The following LIFR variants were observed in gnomAD, a reference collection of about 807,000 sequenced individuals.
The protein encoded by LIFR is LIF receptor subunit alpha, also known as leukemia inhibitory factor receptor.
Under a neutral mutation model 122.2 loss-of-function variants are expected in LIFR, and 84 were observed. The ratio of observed to expected loss-of-function variants is 0.69; its 90% CI spans 0.58 to 0.82. The LOEUF (loss-of-function observed/expected upper bound fraction) is 0.82, where lower values mean the gene tolerates loss of function less well. LIFR is among the 40% of genes least tolerant of loss of function. The pLI, the probability that LIFR is intolerant of heterozygous loss-of-function variation, is 0.00. For missense variants in LIFR, 1,294 were observed against 1,311.6 expected, an observed-to-expected ratio of 0.99 and a Z score of 0.21; for synonymous variants, 422 against 434.7, an observed-to-expected ratio of 0.97 and a Z score of 0.36.
chr5:38,506,449 A>G, intron 8 of LIFR, 54 bp downstream of exon 8: 1 of 1,598,148 alleles, frequency 6.3e-7, no homozygotes, highest in Non-Finnish European at 8.6e-7. Context: ...GTCATTTAAC[A>G]TGCACTTCCA....
At chr5:38,586,961 T>C (rs1159073653) in intron 1 of LIFR, among the ~76,000 whole-genome samples, 3 of 152,206 alleles carry the variant, frequency 2.0e-5, no homozygotes, top group Non-Finnish European at 4.4e-5. Flanking sequence ...TTTGTGTTAT[T>C]AATAATAGCC....
intron 4 of LIFR, among the ~76,000 whole-genome samples, chr5:38,524,026 T>C (rs1205789089): frequency 6.6e-6 from 1 of 152,194 alleles, no homozygotes; most frequent in African/African-American, 2.4e-5. Context: ...CTAGTGTCAT[T>C]TAGTCAGGAA....
At position 38,480,123 on chromosome 5, in the gene LIFR, A is replaced by C. The variant is rs1257861258; in HGVS notation, c.*1472T>G. 2.6e-5 allele frequency: 6 copies of C among 228,666 alleles called. No individual in the cohort carries two copies. The highest frequency in any genetic ancestry group is 1.9e-4 in the East Asian group (3 of 15,756). The allele number at this position is 228,666 out of a possible 1,614,324, so 14.2% of individuals were successfully genotyped here. A position where few individuals can be genotyped will look rare whatever the true frequency, so the allele number is the denominator to read the frequency against. On this transcript the variant is annotated 3_prime_UTR_variant, in exon 20 of 20. Transcript: ENST00000453190. ...GAATCTCAGATGATAAAAAACAAACAAACAACCAAAAAAAACAAACAAAAA... is the reference window on the plus strand; with the variant it reads ...GAATCTCAGATGATAAAAAACAAACCAACAACCAAAAAAAACAAACAAAAA...
intron 1 of LIFR, among the ~76,000 whole-genome samples, chr5:38,534,977 A>G (rs1747217109): frequency 6.6e-6 from 1 of 152,252 alleles, no homozygotes; most frequent in African/African-American, 2.4e-5. Context: ...TGTTGAGTGG[A>G]TAACATATAT....
chr5:38,533,780 C>T (rs761743972), intron 1 of LIFR, among the ~76,000 whole-genome samples: 28 of 152,138 alleles, frequency 1.8e-4, no homozygotes, highest in Non-Finnish European at 4.0e-4. Flanking sequence ...CCTGCTGGCA[C>T]GAACCTAGCC....
intron 6 of LIFR, 51 bp downstream of exon 6, chr5:38,511,739 T>TGA (rs1561161357): frequency 6.5e-7 from 1 of 1,549,172 alleles, no homozygotes. Flanking sequence ...TACTCTTAAG[T>TGA]GAGACTAATT....
rs1373344377 is a variant in LIFR at position 38,502,653 on chromosome 5, ATGT to A, written c.1581_1583del (p.Gln527del). The A allele has an allele frequency of 1.2e-6, 2 of 1,613,092 alleles. No homozygotes were observed. Among genetic ancestry groups the A allele is most frequent in the African/African-American group, 1.3e-5 (1 of 75,004 alleles). On this transcript the variant is annotated inframe_deletion, in exon 11 of 20. Transcript: ENST00000453190. ...TTAACTTACTGGCTTCTGTTGTTAA[ATGT>A]TGTTTTTTATTGCTCCATTTGCTCC...
intron 4 of LIFR, among the ~76,000 whole-genome samples, 183 bp from the exon 5 acceptor site, chr5:38,523,765 A>C (rs1746530713): frequency 6.6e-6 from 1 of 152,198 alleles, no homozygotes; most frequent in South Asian, 2.1e-4. Flanking sequence ...CCATATATGG[A>C]AAAGATAAAA....
intron 1 of LIFR, among the ~76,000 whole-genome samples, chr5:38,544,077 T>C (rs934011934): frequency 1.3e-5 from 2 of 152,104 alleles, no homozygotes; most frequent in Non-Finnish European, 2.9e-5. Context: ...TACCAGCTGC[T>C]ACACCTTCAA....
intron 2 of LIFR, among the ~76,000 whole-genome samples, chr5:38,529,217 G>A (rs1746868920): frequency 6.6e-6 from 1 of 151,864 alleles, no homozygotes; most frequent in South Asian, 2.1e-4. Context: ...CCAAGAGAGG[G>A]CTTGAGGGGA....
intron 4 of LIFR, among the ~76,000 whole-genome samples, chr5:38,525,975 A>G (rs1297536889): frequency 6.6e-6 from 1 of 152,206 alleles, no homozygotes; most frequent in African/African-American, 2.4e-5. Context: ...TAAAAATACA[A>G]GTAATATCCA....
intron 1 of LIFR, among the ~76,000 whole-genome samples, chr5:38,545,364 G>A (rs1220926184): frequency 1.3e-5 from 2 of 151,654 alleles, no homozygotes; most frequent in South Asian, 2.1e-4. Context: ...GTGTGTGTGT[G>A]TATGTGTGTG....
chr5:38,568,959 A>AGGGGCCT (rs1749117699), intron 1 of LIFR, among the ~76,000 whole-genome samples: 1 of 152,198 alleles, frequency 6.6e-6, no homozygotes, highest in Non-Finnish European at 1.5e-5. Flanking sequence ...AGCTGTGGTG[A>AGGGGCCT]GAGGTAGGGG....
Position 38,489,106 on chromosome 5 carries a change from G to A in LIFR, c.2307C>T (p.Asp769=), listed in dbSNP as rs1288146568. Residue 769 remains aspartate (D), a synonymous_variant, in exon 16 of 20, where the codon GAC becomes GAT. Transcript: ENST00000453190. ...YLFYFGKGER[D]TSKMRVLESG... is the part of the protein sequence containing the mutation. The stretch of plus-strand genomic sequence containing the variant: ...ATTCTAAAACCCTCATCTTAGATGT[G>A]TCTCTTTCTCCTTTTCCAAAGTAAA... 2 of 1,612,858 alleles carry A rather than the reference G, an allele frequency of 1.2e-6. No individual in the cohort carries two copies. Among genetic ancestry groups the A allele is most frequent in the Non-Finnish European group, 1.7e-6 (2 of 1,179,172 alleles).
intron 5 of LIFR, among the ~76,000 whole-genome samples, chr5:38,517,960 CA>C (rs1265413712): frequency 4.4e-5 from 4 of 90,280 alleles, no homozygotes; most frequent in East Asian, 6.7e-4. Flanking sequence ...AAAAAACAAA[CA>C]AAAAAAAACA....
In LIFR at chr5:38,480,744, T is replaced by C. The variant is rs1037264075; in HGVS notation, c.*851A>G. The C allele has an allele frequency of 4.7e-6, 1 of 211,228 alleles. No homozygotes were observed. The highest frequency in any genetic ancestry group is 9.6e-6 in the Non-Finnish European group (1 of 104,230). 13.1% of individuals were successfully genotyped at this position (211,228 alleles called of 1,614,324 possible). On this transcript the variant is annotated 3_prime_UTR_variant, in exon 20 of 20. Coordinates refer to ENST00000453190, the MANE Select transcript of LIFR (RefSeq NM_001127671.2). ...TTATGAATAATATTGAATTTGCTCA[T>C]ATAAAGCTGTCACTGTATCACAAAA...
rs186506427 is a variant in LIFR, at chr5:38,526,781, A to G, written c.397+374T>C. Among the ~76,000 whole-genome samples, 292 of 152,268 alleles carry G rather than the reference A, an allele frequency of 1.9e-3. 1 individual carries two copies. The highest frequency in any genetic ancestry group is 3.7e-3 in the Non-Finnish European group (249 of 68,030). Reference sequence around the variant, plus strand: ...GTAAAACACAATGAACTATTAATCGACTGAGTCTCCTACAGTCTGTCTTGA... The same window carrying G: ...GTAAAACACAATGAACTATTAATCGGCTGAGTCTCCTACAGTCTGTCTTGA... On this transcript the variant is annotated intron_variant, in intron 4 of 19. Transcript: ENST00000453190.
chr5:38,490,216 G>A lies in LIFR; in HGVS notation c.2141C>T (p.Ser714Phe), dbSNP rs771683672. The A allele has an allele frequency of 1.9e-6, 3 of 1,562,992 alleles. No homozygotes were observed. Among genetic ancestry groups the A allele is most frequent in the Non-Finnish European group, 2.6e-6 (3 of 1,137,574 alleles). ...CRNQGYQLLR[S>F]MIGYIEELAP... ...CAATTCTTCTATATATCCAATCATG[G>A]AGCGTAATAATTGATATCCTTGATT... The change falls in exon 15 of 20, where the codon TCC becomes TTC. Residue 714 changes from serine to phenylalanine, a missense_variant. Coordinates refer to ENST00000453190, the MANE Select transcript of LIFR (RefSeq NM_001127671.2).
intron 1 of LIFR, among the ~76,000 whole-genome samples, chr5:38,550,853 G>A (rs1233546416): frequency 1.3e-5 from 2 of 152,164 alleles, no homozygotes; most frequent in Non-Finnish European, 2.9e-5. Flanking sequence ...CCACCTCTGG[G>A]TCTAAGTTTC....
Sources: gnomAD v4.1 joint callset for allele counts (sites outside exome capture counted in the v4.1 genomes callset) on GRCh38, gnomAD v4.1.1 for gene constraint, MANE v1.5 for transcripts, NCBI Gene and HGNC (gene_info 2026-07-23, HGNC 2026-07-21) for gene names.